Variants in PRMT8 observed in about 807,000 individuals in gnomAD.
PRMT8 encodes the protein protein arginine methyltransferase 8.
Under a neutral mutation model 47.1 loss-of-function variants are expected in PRMT8, and 7 were observed. The ratio of observed to expected loss-of-function variants is 0.15; its 90% CI spans 0.08 to 0.28. The LOEUF is 0.28. PRMT8 is among the 10% of genes least tolerant of loss of function. The pLI, the probability that PRMT8 is intolerant of heterozygous loss-of-function variation, is 1.00. For missense variants in PRMT8, 237 were observed against 505.4 expected, an observed-to-expected ratio of 0.47 and a Z score of 5.09; for synonymous variants, 188 against 186.5, an observed-to-expected ratio of 1.01 and a Z score of -0.07.
At chr12:3,480,119 C>A (rs971994742) in intron 1 of PRMT8, among the ~76,000 whole-genome samples, 5 of 152,302 alleles carry the variant, frequency 3.3e-5, no homozygotes, top group Middle Eastern at 3.4e-3. Context: ...TTTAGAAAGA[C>A]CTTCTCTGCA....
In PRMT8 at chr12:3,538,654, A is replaced by G; in HGVS notation, c.76-1952A>G. On this transcript the variant is annotated intron_variant, in intron 1 of 9. Transcript: ENST00000382622. The surrounding 1 kb of genome is among the most constrained non-coding windows in gnomAD (Gnocchi z 4.6). ...TTTTTCCTCTCCTTCACATATTTAA[A>G]TGGAGTCGATATTGGGGTCAGCTTC... The G allele has an allele frequency of 1.9e-6, 1 of 518,924 alleles. No homozygotes were observed. Among genetic ancestry groups the G allele is most frequent in the Non-Finnish European group, 3.8e-6 (1 of 259,844 alleles). 32.1% of individuals were successfully genotyped at this position (518,924 alleles called of 1,614,324 possible). A position where few individuals can be genotyped will look rare whatever the true frequency, so the allele number is the denominator to read the frequency against.
intron 4 of PRMT8, among the ~76,000 whole-genome samples, chr12:3,563,961 T>C (rs537099194): frequency 2.0e-5 from 3 of 151,948 alleles, no homozygotes; most frequent in South Asian, 2.1e-4. Context: ...CATTGCTCAT[T>C]CATCCATCCA....
At chr12:3,469,079 A>G in intron 1 of PRMT8, 3 of 471,870 alleles carry the variant, frequency 6.4e-6, no homozygotes, top group Non-Finnish European at 8.3e-6. Flanking sequence ...CATTTGAAAC[A>G]CAGTGGAGGC....
In PRMT8 at chr12:3,491,476, G is replaced by T; in HGVS notation, c.-150G>T. 7.0e-7 allele frequency: 1 copy of T among 1,438,206 alleles called. No homozygotes were observed. Among genetic ancestry groups the T allele is most frequent in the Non-Finnish European group, 9.1e-7 (1 of 1,099,234 alleles). 89.1% of individuals were successfully genotyped at this position (1,438,206 alleles called of 1,614,324 possible). On this transcript the variant is annotated 5_prime_UTR_variant, in exon 1 of 10. Transcript: ENST00000382622. ...AAGTGGAGACTGCAGAACAGACTCCGCTGTGGCTGACTGTGCCGGCCGACG... is the reference window on the plus strand; with the variant it reads ...AAGTGGAGACTGCAGAACAGACTCCTCTGTGGCTGACTGTGCCGGCCGACG...
intron 1 of PRMT8, among the ~76,000 whole-genome samples, chr12:3,484,171 C>A (rs1865300670): frequency 6.6e-6 from 1 of 152,184 alleles, no homozygotes; most frequent in Non-Finnish European, 1.5e-5. Flanking sequence ...AGGGGGCGTT[C>A]TGCTCTTCAG....
intron 1 of PRMT8, among the ~76,000 whole-genome samples, chr12:3,471,822 G>C (rs912077545): frequency 3.3e-5 from 5 of 151,982 alleles, no homozygotes; most frequent in African/African-American, 1.2e-4. Context: ...CCCGTCCCTG[G>C]TGGAATCAGC....
At chr12:3,484,541 T>C (rs114393881) in intron 1 of PRMT8, among the ~76,000 whole-genome samples, 1,759 of 152,328 alleles carry the variant, frequency 0.012, 30 homozygotes, top group African/African-American at 0.038. Context: ...GTGTTAACAA[T>C]ACTATGTCCC....
At chr12:3,386,927 C>A (rs1864145946) in intron 1 of PRMT8, among the ~76,000 whole-genome samples, 1 of 152,040 alleles carries the variant, frequency 6.6e-6, no homozygotes, top group African/African-American at 2.4e-5. Flanking sequence ...TCAGGCTGGT[C>A]TCGAACTCCT....
At chr12:3,540,828 C>A (rs944832401) in intron 2 of PRMT8, 37 bp downstream of exon 2, 1 of 1,583,782 alleles carries the variant, frequency 6.3e-7, no homozygotes, top group Middle Eastern at 1.7e-4. Context: ...TGGGGCGAGG[C>A]TGACTCTGCT....
At chr12:3,428,306 C>T (rs1156512846) in intron 1 of PRMT8, among the ~76,000 whole-genome samples, 1 of 151,780 alleles carries the variant, frequency 6.6e-6, no homozygotes, top group African/African-American at 2.4e-5. Context: ...TAGTAAGCTA[C>T]CTTTTGTCCC....
chr12:3,472,179 G>T (rs1007756067), intron 1 of PRMT8, among the ~76,000 whole-genome samples: 11 of 152,324 alleles, frequency 7.2e-5, no homozygotes, highest in African/African-American at 2.6e-4. Flanking sequence ...GATCGGAAAG[G>T]TGTGTGGTGT....
intron 1 of PRMT8, among the ~76,000 whole-genome samples, chr12:3,406,920 T>C (rs1864377944): frequency 6.6e-6 from 1 of 152,240 alleles, no homozygotes; most frequent in Non-Finnish European, 1.5e-5. Context: ...TCTTTATAGC[T>C]GTGCCCCATT....
chr12:3,463,955 A>G (rs1327103991), intron 1 of PRMT8, among the ~76,000 whole-genome samples: 3 of 152,322 alleles, frequency 2.0e-5, no homozygotes, highest in Non-Finnish European at 4.4e-5. Context: ...TAAAGGTACC[A>G]ATATTACCGG....
intron 1 of PRMT8, among the ~76,000 whole-genome samples, chr12:3,394,241 C>T (rs1464238383): frequency 2.0e-5 from 3 of 152,022 alleles, no homozygotes; most frequent in Admixed American, 6.5e-5. Flanking sequence ...GAACTTCCAA[C>T]ACTATGTTGA....
chr12:3,494,143 A>C (rs1308610921), intron 1 of PRMT8, among the ~76,000 whole-genome samples: 1 of 152,124 alleles, frequency 6.6e-6, no homozygotes, highest in African/African-American at 2.4e-5. Flanking sequence ...GGAGCGTGGT[A>C]GTGGTCCTAG....
At chr12:3,592,669 A>G (rs1867333223) in intron 9 of PRMT8, among the ~76,000 whole-genome samples, 1 of 152,220 alleles carries the variant, frequency 6.6e-6, no homozygotes, top group Admixed American at 6.5e-5. Flanking sequence ...GGGCCAGGAG[A>G]TAAGCTCCTG....
At chr12:3,428,054 G>T (rs1366755752) in intron 1 of PRMT8, among the ~76,000 whole-genome samples, 2 of 152,058 alleles carry the variant, frequency 1.3e-5, no homozygotes, top group African/African-American at 4.8e-5. Context: ...ACTTAGAATT[G>T]GTATAGATGG....
At position 3,491,711 on chromosome 12, in the gene PRMT8, G is replaced by A; in HGVS notation, c.75+11G>A. 6.2e-7 allele frequency: 1 copy of A among 1,604,188 alleles called. No individual in the cohort carries two copies. The highest frequency in any genetic ancestry group is 1.1e-5 in the South Asian group (1 of 90,150). ...GCCGAGAGCACCGAGGTAAGGAGGC[G>A]AGCGAGCAGGGGCTCTCGGAGACCC... is the stretch of plus-strand genomic sequence containing the variant. On this transcript the variant is annotated intron_variant, in intron 1 of 9. Transcript: ENST00000382622.
rs749895242 is a variant in PRMT8 at position 3,553,671 on chromosome 12, T to C, written c.438T>C (p.Ser146=). The change falls in exon 4 of 10, where the codon TCT becomes TCC. Residue 146 remains serine (S), a synonymous_variant. Coordinates refer to ENST00000382622, the MANE Select transcript of PRMT8 (RefSeq NM_019854.5). ...TCCAGATCGAATGCTCCAGTATTTC[T>C]GACTACTCAGAGAAGATCATTAAGG... ...KVFGIECSSI[S]DYSEKIIKAN... is the part of the protein sequence containing the mutation. The C allele has an allele frequency of 8.7e-6, 14 of 1,608,076 alleles. No individual in the cohort carries two copies. In the Admixed American group the frequency reaches 1.5e-4, roughly 17 times the overall value.
Sources: allele counts gnomAD v4.1 joint callset (sites outside exome capture counted in the v4.1 genomes callset), GRCh38; gene constraint gnomAD v4.1.1; non-coding constraint Gnocchi (gnomAD v3.1); transcripts MANE v1.5; gene names NCBI Gene and HGNC (gene_info 2026-07-23, HGNC 2026-07-21).